FRMD4B: variants seen among roughly 807,000 people sequenced by gnomAD.
The protein encoded by FRMD4B is FERM domain-containing protein 4B.
In FRMD4B, 74 loss-of-function variants were observed where a neutral mutation model predicts 141.5. That is an observed-to-expected ratio of 0.52 (90% CI 0.43 to 0.63). The LOEUF (loss-of-function observed/expected upper bound fraction) is 0.63, where lower values mean the gene tolerates loss of function less well. FRMD4B is among the 30% of genes least tolerant of loss of function. The pLI is 0.00. For missense variants in FRMD4B, 1,366 were observed against 1,253.4 expected, an observed-to-expected ratio of 1.09 and a Z score of -1.36; for synonymous variants, 506 against 467.9, an observed-to-expected ratio of 1.08 and a Z score of -1.05.
chr3:69,465,698 T>A (rs765489084), intron 1 of FRMD4B, among the ~76,000 whole-genome samples: 1 of 152,226 alleles, frequency 6.6e-6, no homozygotes. Flanking sequence ...GCTTCATCCA[T>A]GTCCCTTGCA....
At chr3:69,248,545 C>T (rs912964133) in intron 7 of FRMD4B, among the ~76,000 whole-genome samples, 8 of 152,178 alleles carry the variant, frequency 5.3e-5, no homozygotes, top group South Asian at 2.1e-4. Flanking sequence ...TACCAGGAGT[C>T]GAACATTAAC....
chr3:69,294,464 G>A (rs776136844), intron 4 of FRMD4B, among the ~76,000 whole-genome samples: 3 of 152,200 alleles, frequency 2.0e-5, no homozygotes, highest in Non-Finnish European at 4.4e-5. Context: ...TCATCTGTGG[G>A]AGGGGAACAG....
intron 1 of FRMD4B, among the ~76,000 whole-genome samples, chr3:69,469,375 A>C (rs1705849514): frequency 6.6e-6 from 1 of 152,202 alleles, no homozygotes; most frequent in African/African-American, 2.4e-5. Flanking sequence ...ATTCAAAAGA[A>C]ATGTTCTTAA....
intron 21 of FRMD4B, among the ~76,000 whole-genome samples, chr3:69,177,801 G>C (rs2092663848): frequency 6.6e-6 from 1 of 152,188 alleles, no homozygotes; most frequent in Admixed American, 6.5e-5. Context: ...AGAGGCCTTG[G>C]AGGAAATGTG....
intron 1 of FRMD4B, among the ~76,000 whole-genome samples, chr3:69,383,120 A>G (rs559785642): frequency 6.6e-6 from 1 of 152,308 alleles, no homozygotes; most frequent in South Asian, 2.1e-4. Flanking sequence ...GATTAGTACT[A>G]TTAATTTCTC....
intron 1 of FRMD4B, among the ~76,000 whole-genome samples, chr3:69,541,901 C>T (rs1431887759): frequency 6.6e-6 from 1 of 151,978 alleles, no homozygotes; most frequent in Non-Finnish European, 1.5e-5. Flanking sequence ...CACGCGGTCC[C>T]CGGCGGCGCG....
intron 14 of FRMD4B, among the ~76,000 whole-genome samples, chr3:69,195,770 A>C (rs543059708): frequency 6.6e-6 from 1 of 152,356 alleles, no homozygotes; most frequent in South Asian, 2.1e-4. Context: ...CTTCAGAGTC[A>C]CAAGTTGACA....
chr3:69,444,700 A>C (rs749130121), intron 1 of FRMD4B, among the ~76,000 whole-genome samples: 3 of 152,234 alleles, frequency 2.0e-5, no homozygotes, highest in Non-Finnish European at 4.4e-5. Flanking sequence ...TTACTCAAAC[A>C]GGATTTTCAC....
intron 11 of FRMD4B, among the ~76,000 whole-genome samples, chr3:69,209,156 A>T (rs544451809): frequency 6.6e-6 from 1 of 152,090 alleles, no homozygotes; most frequent in African/African-American, 2.4e-5. Flanking sequence ...AAAAAAAAAA[A>T]AAAGAACATC....
intron 11 of FRMD4B, among the ~76,000 whole-genome samples, chr3:69,212,126 G>A (rs1403181002): frequency 1.3e-5 from 2 of 151,296 alleles, no homozygotes; most frequent in Non-Finnish European, 2.9e-5. Flanking sequence ...TGGGAGGCCC[G>A]AGGCAGGTGG....
intron 1 of FRMD4B, among the ~76,000 whole-genome samples, chr3:69,510,124 G>A (rs560797430): frequency 6.6e-6 from 1 of 151,958 alleles, no homozygotes; most frequent in South Asian, 2.1e-4. Context: ...TATTCGTCCA[G>A]AACAATTTTG....
chr3:69,479,497 T>G (rs568870354), intron 1 of FRMD4B, among the ~76,000 whole-genome samples: 1 of 152,296 alleles, frequency 6.6e-6, no homozygotes, highest in South Asian at 2.1e-4. Context: ...AAATTCTGGG[T>G]TGAAAATTCT....
chr3:69,411,541 T>G (rs1464440998), intron 2 of FRMD4B, among the ~76,000 whole-genome samples: 1 of 152,288 alleles, frequency 6.6e-6, no homozygotes, highest in East Asian at 1.9e-4. Context: ...TTCAGCAGGG[T>G]AAATCTCTTT....
At chr3:69,365,253 T>C (rs545827686) in intron 1 of FRMD4B, among the ~76,000 whole-genome samples, 1 of 152,328 alleles carries the variant, frequency 6.6e-6, no homozygotes, top group African/African-American at 2.4e-5. Flanking sequence ...TCAAACCAAT[T>C]TATACTGTGA....
chr3:69,189,055 C>T (rs1255345889), intron 18 of FRMD4B, among the ~76,000 whole-genome samples: 2 of 151,534 alleles, frequency 1.3e-5, no homozygotes, highest in African/African-American at 4.9e-5. Flanking sequence ...AACCCTGTCT[C>T]TACTAAAAAT....
At chr3:69,370,117 T>TC (rs1703783990) in intron 1 of FRMD4B, among the ~76,000 whole-genome samples, 1 of 151,706 alleles carries the variant, frequency 6.6e-6, no homozygotes, top group Admixed American at 6.6e-5. Flanking sequence ...TTCCTGTTTT[T>TC]TTTTTTTTCT....
At chr3:69,453,716 A>G (rs1386581323) in intron 1 of FRMD4B, among the ~76,000 whole-genome samples, 1 of 152,236 alleles carries the variant, frequency 6.6e-6, no homozygotes, top group Non-Finnish European at 1.5e-5. Flanking sequence ...AGGAATTGGA[A>G]AAAGGAGGAG....
chr3:69,186,762 C>T (rs1051962379), intron 19 of FRMD4B, among the ~76,000 whole-genome samples: 57 of 152,320 alleles, frequency 3.7e-4, no homozygotes, highest in African/African-American at 1.2e-3. Flanking sequence ...TGGTCTCCAA[C>T]TCTTGAGCTC....
chr3:69,392,867 C>T (rs771178079), intron 2 of FRMD4B, among the ~76,000 whole-genome samples: 2 of 152,082 alleles, frequency 1.3e-5, no homozygotes, highest in African/African-American at 2.4e-5. Context: ...CAATGCCACT[C>T]GAGCCAGAGG....
Sources: gnomAD v4.1 joint callset for allele counts (sites outside exome capture counted in the v4.1 genomes callset) on GRCh38, gnomAD v4.1.1 for gene constraint, MANE v1.5 for transcripts, NCBI Gene and HGNC (gene_info 2026-07-23, HGNC 2026-07-21) for gene names.